The following ZNF486 variants were observed in gnomAD, a reference collection of about 807,000 sequenced individuals.
ZNF486 encodes the protein zinc finger protein 486.
Under a neutral mutation model 12.8 loss-of-function variants are expected in ZNF486, and 12 were observed. That is an observed-to-expected ratio of 0.94 (90% CI 0.60 to 1.52). The LOEUF is 1.52. Ranked by LOEUF, ZNF486 falls within the 40% of genes most tolerant of loss-of-function variation. The probability of loss-of-function intolerance (pLI) is 0.00; values close to 1 mark genes in which losing one functional copy is unlikely to be tolerated. For synonymous variants in ZNF486, 231 were observed against 184.9 expected, an observed-to-expected ratio of 1.25 and a Z score of -2.02; for missense variants, 738 against 545.0, an observed-to-expected ratio of 1.35 and a Z score of -3.53.
chr19:20,179,571 CAA>C (rs35282162), intron 1 of ZNF486, among the ~76,000 whole-genome samples: 5 of 151,880 alleles, frequency 3.3e-5, no homozygotes, highest in African/African-American at 1.2e-4. Flanking sequence ...TGGTGTAACA[CAA>C]AAGGATGCAG....
At chr19:20,193,994 C>T (rs1555717560) in intron 3 of ZNF486, among the ~76,000 whole-genome samples, 1 of 151,942 alleles carries the variant, frequency 6.6e-6, no homozygotes, top group African/African-American at 2.4e-5. Flanking sequence ...TTACATTTGC[C>T]TTCAACTTTG....
intron 3 of ZNF486, among the ~76,000 whole-genome samples, chr19:20,194,396 A>G (rs1758814374): frequency 6.6e-6 from 1 of 152,208 alleles, no homozygotes; most frequent in African/African-American, 2.4e-5. Context: ...CTTTAGCAAT[A>G]TCACAGTTTT....
intron 1 of ZNF486, among the ~76,000 whole-genome samples, chr19:20,171,592 T>C (rs2089648734): frequency 6.6e-6 from 1 of 152,230 alleles, no homozygotes; most frequent in South Asian, 2.1e-4. Flanking sequence ...CACATGTTTA[T>C]AATTTCATCT....
intron 1 of ZNF486, among the ~76,000 whole-genome samples, chr19:20,172,445 C>T (rs141946318): frequency 0.013 from 1,947 of 149,814 alleles, 44 homozygotes; most frequent in African/African-American, 0.045. Context: ...ATTACAGGCA[C>T]CTGCACCACT....
chr19:20,189,434 G>T (rs2089881720), intron 3 of ZNF486, among the ~76,000 whole-genome samples: 1 of 152,048 alleles, frequency 6.6e-6, no homozygotes, highest in South Asian at 2.1e-4. Context: ...TTAAATAATG[G>T]CTGCATCTTT....
Position 20,167,315 on chromosome 19 carries a change from G to A in ZNF486, c.-16G>A. 6.2e-7 allele frequency: 1 copy of A among 1,614,106 alleles called. No individual in the cohort carries two copies. The highest frequency in any genetic ancestry group is 8.5e-7 in the Non-Finnish European group (1 of 1,179,970). ...TGGCCCTGTGTCCTGTAGGTATTGG[G>A]AGATCCACAGCCAAGATGCCGGGAC... On this transcript the variant is annotated 5_prime_UTR_variant, in exon 1 of 4. Coordinates refer to ENST00000335117, the MANE Select transcript of ZNF486 (RefSeq NM_052852.4).
chr19:20,181,352 A>G (rs1555715534), intron 1 of ZNF486, among the ~76,000 whole-genome samples: 1 of 152,108 alleles, frequency 6.6e-6, no homozygotes, highest in African/African-American at 2.4e-5. Context: ...ATCCTGGCTA[A>G]CACGGTGAAA....
intron 3 of ZNF486, among the ~76,000 whole-genome samples, chr19:20,195,216 C>T (rs931649183): frequency 6.6e-5 from 10 of 152,164 alleles, no homozygotes; most frequent in African/African-American, 1.7e-4. Flanking sequence ...TTTCCCAGGC[C>T]GCAGTACAGT....
Position 20,197,176 on chromosome 19 carries a change from T to G in ZNF486, c.466T>G (p.Cys156Gly). Residue 156 changes from cysteine (C) to glycine (G), a missense_variant, in exon 4 of 4, where the codon TGT (cysteine) becomes GGT (glycine). Transcript: ENST00000335117. The stretch of plus-strand genomic sequence containing the variant: ...AACTACCCAGAGCAAAATATTTCAA[T>G]GTGGTAAATATGTGAAAGTCTTTCA... ...LTTTQSKIFQ[C>G]GKYVKVFHQF... 1.2e-6 allele frequency: 2 copies of G among 1,613,768 alleles called. No homozygotes were observed. Among genetic ancestry groups the G allele is most frequent in the Non-Finnish European group, 1.7e-6 (2 of 1,179,904 alleles).
At chr19:20,174,513 C>A (rs556283406) in intron 1 of ZNF486, among the ~76,000 whole-genome samples, 1 of 151,884 alleles carries the variant, frequency 6.6e-6, no homozygotes, top group East Asian at 1.9e-4. Flanking sequence ...CTCAGCCTTC[C>A]GAGTAGCTGG....
chr19:20,184,348 T>TG lies in ZNF486; in HGVS notation c.31-8_31-7insG. The TG allele has an allele frequency of 6.2e-7, 1 of 1,612,122 alleles. No homozygotes were observed. Among genetic ancestry groups the TG allele is most frequent in the Non-Finnish European group, 8.5e-7 (1 of 1,178,852 alleles). On this transcript the variant is annotated splice_region_variant and splice_polypyrimidine_tract_variant and intron_variant, in intron 1 of 3. Transcript: ENST00000335117. ...TGGTGAAAATGTGTGTGTGTGTGTG[T>TG]TTTTCAGGAATCATTGCAATTTAGA...
intron 1 of ZNF486, among the ~76,000 whole-genome samples, chr19:20,181,894 G>A (rs1159674862): frequency 6.6e-6 from 1 of 152,192 alleles, no homozygotes; most frequent in African/African-American, 2.4e-5. Context: ...GGTGTTATGA[G>A]AATTAAATCA....
chr19:20,175,597 A>G (rs1244047760), intron 1 of ZNF486, among the ~76,000 whole-genome samples: 2 of 151,664 alleles, frequency 1.3e-5, no homozygotes, highest in East Asian at 3.9e-4. Flanking sequence ...CCCTTAATCC[A>G]TTTAACACTG....
At chr19:20,190,230 G>A (rs782219828) in intron 3 of ZNF486, among the ~76,000 whole-genome samples, 1 of 152,134 alleles carries the variant, frequency 6.6e-6, no homozygotes, top group Admixed American at 6.5e-5. Context: ...CATCTGTGAA[G>A]AATAAAATTT....
chr19:20,197,003 A>T lies in ZNF486; in HGVS notation c.293A>T (p.Gln98Leu), dbSNP rs2089964644. The change falls in exon 4 of 4, where the codon CAG becomes CTG. Residue 98 changes from glutamine (Q) to leucine (L), a missense_variant. Gln to Leu is a moderately radical substitution (Grantham distance 113, BLOSUM62 -2). Coordinates refer to ENST00000335117, the MANE Select transcript of ZNF486 (RefSeq NM_052852.4). ...SHFAQDLWPE[Q>L]SIKDSYQKVI... The stretch of plus-strand genomic sequence containing the variant: ...TTTGCCCAAGACCTTTGGCCAGAGC[A>T]GAGCATAAAAGATTCTTACCAAAAA... 1 of 1,595,104 alleles carries T rather than the reference A, an allele frequency of 6.3e-7. No homozygotes were observed. The highest frequency in any genetic ancestry group is 8.5e-7 in the Non-Finnish European group (1 of 1,173,418).
At chr19:20,172,156 A>T (rs976740659) in intron 1 of ZNF486, among the ~76,000 whole-genome samples, 2 of 150,076 alleles carry the variant, frequency 1.3e-5, no homozygotes, top group African/African-American at 4.9e-5. Context: ...AGCATGCACC[A>T]CCATGTCTAG....
intron 3 of ZNF486, among the ~76,000 whole-genome samples, chr19:20,187,653 C>T (rs2089863729): frequency 6.6e-6 from 1 of 151,884 alleles, no homozygotes; most frequent in African/African-American, 2.4e-5. Flanking sequence ...AGGCGCCCAC[C>T]ACCACACCCG....
intron 3 of ZNF486, among the ~76,000 whole-genome samples, chr19:20,190,665 A>G (rs1555717057): frequency 1.3e-5 from 2 of 152,232 alleles, no homozygotes; most frequent in East Asian, 3.8e-4. Flanking sequence ...GGTTATAGGC[A>G]AGAGCCACTG....
chr19:20,193,516 C>T (rs1212778034), intron 3 of ZNF486, among the ~76,000 whole-genome samples: 5 of 151,888 alleles, frequency 3.3e-5, no homozygotes, highest in African/African-American at 1.2e-4. Flanking sequence ...CAAACATTAT[C>T]CGGGCATGCT....
Sources: gnomAD v4.1 joint callset for allele counts (sites outside exome capture counted in the v4.1 genomes callset) on GRCh38, gnomAD v4.1.1 for gene constraint, MANE v1.5 for transcripts, NCBI Gene and HGNC (gene_info 2026-07-23, HGNC 2026-07-21) for gene names.